ZNF69: variants seen among roughly 807,000 people sequenced by gnomAD.
ZNF69 encodes the protein ZNF3.
ZNF69 carries 47 observed loss-of-function variants against 50.9 expected under a neutral mutation model. The ratio of observed to expected loss-of-function variants is 0.92; its 90% confidence interval spans 0.73 to 1.18. ZNF69 has a LOEUF of 1.18. Among genes scored for constraint, ZNF69 ranks in the 50% most tolerant of loss-of-function variants. ZNF69 has a pLI of 0.00. For synonymous variants in ZNF69, 216 were observed against 223.1 expected (o/e 0.97, Z 0.29); for missense variants, 717 against 675.1 (o/e 1.06, Z -0.69).
At chr19:11,948,760 G>A in the ZNF69 span, 3 of 1,611,428 alleles carry the variant, frequency 1.9e-6, no homozygotes, top group Non-Finnish European at 2.5e-6. Flanking sequence ...AACTCACACT[G>A]GAGAGAAACC....
intron 1 of ZNF69, among the ~76,000 whole-genome samples, chr19:11,901,344 G>A (rs890746619): frequency 2.0e-5 from 3 of 152,126 alleles, no homozygotes; most frequent in East Asian, 3.8e-4. Flanking sequence ...AATTGCCGAC[G>A]TGTGAAAAAT....
the ZNF69 span, chr19:11,950,748 T>C: frequency 1.5e-5 from 3 of 206,622 alleles, no homozygotes; most frequent in South Asian, 2.2e-4. Flanking sequence ...AAATATCCCA[T>C]TGGTTTTATG....
At chr19:11,914,913 G>A (rs1011461462), downstream of ZNF69, among the ~76,000 whole-genome samples, 26 of 152,118 alleles carry the variant, frequency 1.7e-4, no homozygotes, top group African/African-American at 6.0e-4. Flanking sequence ...AGACAGGGCA[G>A]TGAAACCTGG....
chr19:11,973,353 G>A, the ZNF69 span, among the ~76,000 whole-genome samples: 1 of 152,072 alleles, frequency 6.6e-6, no homozygotes, highest in Non-Finnish European at 1.5e-5. Flanking sequence ...AAGGTCTCTC[G>A]ATACCTTTGT....
chr19:11,936,720 C>T, the ZNF69 span, among the ~76,000 whole-genome samples: 40 of 152,030 alleles, frequency 2.6e-4, no homozygotes, highest in Non-Finnish European at 5.0e-4. Flanking sequence ...ATTTTGGCTT[C>T]TGTTGCCATT....
At chr19:11,974,133 T>C in the ZNF69 span, among the ~76,000 whole-genome samples, 2 of 115,500 alleles carry the variant, frequency 1.7e-5, no homozygotes, top group Admixed American at 1.8e-4. Context: ...TTCTTTTCTT[T>C]CTTTCTTTCT....
chr19:11,928,361 T>C, the ZNF69 span, among the ~76,000 whole-genome samples: 6 of 152,198 alleles, frequency 3.9e-5, no homozygotes, highest in African/African-American at 2.4e-5. Flanking sequence ...AGCTGGTTTT[T>C]ATTTCCTTTT....
intron 1 of ZNF69, among the ~76,000 whole-genome samples, chr19:11,900,675 G>GT (rs1972225267): frequency 6.6e-6 from 1 of 152,084 alleles, no homozygotes; most frequent in East Asian, 1.9e-4. Flanking sequence ...TGATTGGTTG[G>GT]TTTTTTTCTT....
At chr19:11,919,646 A>G in the ZNF69 span, among the ~76,000 whole-genome samples, 1 of 152,258 alleles carries the variant, frequency 6.6e-6, no homozygotes, top group Admixed American at 6.5e-5. Flanking sequence ...ATATTTGGAC[A>G]CGAACCCTTT....
the ZNF69 span, among the ~76,000 whole-genome samples, chr19:11,942,006 C>T: frequency 7.2e-5 from 11 of 152,160 alleles, 1 homozygote; most frequent in Non-Finnish European, 1.0e-4. Context: ...AGGAGTTTCT[C>T]GTTTGGCCTC....
At chr19:11,952,664 T>C in the ZNF69 span, among the ~76,000 whole-genome samples, 1 of 152,192 alleles carries the variant, frequency 6.6e-6, no homozygotes, top group African/African-American at 2.4e-5. Context: ...CCTATCTGTG[T>C]GTGGAGATGA....
Position 11,906,292 on chromosome 19 carries a change from T to G in ZNF69, c.*194T>G. On this transcript the variant is annotated 3_prime_UTR_variant, in exon 4 of 4. Coordinates refer to ENST00000429654, the MANE Select transcript of ZNF69 (RefSeq NM_001364730.1). ...AAGGCAGCAGAAACTTCTGCAGACT[T>G]AAATGTCCCTGTCTGACAGCTTTGA... 6 of 1,416,514 alleles carry G rather than the reference T, an allele frequency of 4.2e-6. No homozygotes were observed. Among genetic ancestry groups the G allele is most frequent in the Non-Finnish European group, 5.5e-6 (6 of 1,088,994 alleles). The allele number at this position is 1,416,514 out of a possible 1,614,324, so 87.7% of individuals were successfully genotyped here.
intron 1 of ZNF69, among the ~76,000 whole-genome samples, chr19:11,901,970 G>A (rs1033955595): frequency 7.1e-6 from 1 of 140,874 alleles, no homozygotes; most frequent in Non-Finnish European, 1.5e-5. Context: ...AGGCCAAGAT[G>A]TTATTTTCTT....
At chr19:11,943,285 C>A in the ZNF69 span, among the ~76,000 whole-genome samples, 5 of 152,134 alleles carry the variant, frequency 3.3e-5, no homozygotes, top group African/African-American at 9.7e-5. Flanking sequence ...ATGCAGACAG[C>A]AATTGGTTAG....
At chr19:11,955,396 CT>C in the ZNF69 span, among the ~76,000 whole-genome samples, 17,036 of 132,000 alleles carry the variant, frequency 0.13, 1,411 homozygotes, top group African/African-American at 0.28. Flanking sequence ...TTCTTTCTTT[CT>C]TTTTTTTTTT....
At chr19:11,909,188 C>T (rs1972422091), downstream of ZNF69, among the ~76,000 whole-genome samples, 1 of 152,088 alleles carries the variant, frequency 6.6e-6, no homozygotes, top group Non-Finnish European at 1.5e-5. Flanking sequence ...TAATAGACTA[C>T]CAACCAAAAA....
chr19:11,946,579 C>G, the ZNF69 span, among the ~76,000 whole-genome samples: 3 of 152,052 alleles, frequency 2.0e-5, no homozygotes, highest in African/African-American at 4.8e-5. Flanking sequence ...GTCTGGATAC[C>G]CTGGCTTACA....
At position 11,905,854 on chromosome 19, in the gene ZNF69, G is replaced by A. The variant is rs573215147; in HGVS notation, c.1457G>A (p.Gly486Asp). The A allele has an allele frequency of 3.6e-5, 58 of 1,613,452 alleles. No individual in the cohort carries two copies. The African/African-American group carries it at 7.4e-4, about 20-fold the overall frequency. Residue 486 changes from glycine to aspartate, a missense_variant, in exon 4 of 4, where the codon GGC becomes GAC. Gly to Asp is a moderately conservative substitution (Grantham distance 94). Coordinates refer to ENST00000429654, the MANE Select transcript of ZNF69 (RefSeq NM_001364730.1). ...RPYKCKLCGK[G>D]FYCPKSLQRH... Reference sequence around the variant, plus strand: ...TATAAATGTAAGCTATGTGGGAAAGGCTTTTATTGTCCCAAATCATTGCAA... The same window carrying A: ...TATAAATGTAAGCTATGTGGGAAAGACTTTTATTGTCCCAAATCATTGCAA...
the ZNF69 span, among the ~76,000 whole-genome samples, chr19:11,941,539 G>T: frequency 6.6e-5 from 10 of 152,214 alleles, no homozygotes; most frequent in African/African-American, 2.2e-4. Flanking sequence ...GCTGGCCCAG[G>T]TGCTAAGCCC....
Sources: allele counts gnomAD v4.1 joint callset (sites outside exome capture counted in the v4.1 genomes callset), GRCh38; gene constraint gnomAD v4.1.1; transcripts MANE v1.5; gene names NCBI Gene and HGNC (gene_info 2026-07-23, HGNC 2026-07-21).